The following MICAL2 variants were observed in gnomAD, a reference collection of about 807,000 sequenced individuals.
MICAL2 encodes the protein microtubule associated monooxygenase, calponin and LIM domain containing 2.
Under a neutral mutation model 127.3 loss-of-function variants are expected in MICAL2, and 77 were observed. The ratio of observed to expected loss-of-function variants is 0.60; its 90% CI spans 0.50 to 0.73. The LOEUF is 0.73. Among genes scored for constraint, MICAL2 ranks in the 30% least tolerant of loss-of-function variants. The pLI, the probability that MICAL2 is intolerant of heterozygous loss-of-function variation, is 0.00. For synonymous variants in MICAL2, 570 were observed against 551.1 expected, an observed-to-expected ratio of 1.03 and a Z score of -0.48; for missense variants, 1,351 against 1,434.4, an observed-to-expected ratio of 0.94 and a Z score of 0.94.
At chr11:12,330,814 AGAGAGAGG>A (rs1864409258) in intron 32 of MICAL2, among the ~76,000 whole-genome samples, 1 of 150,760 alleles carries the variant, frequency 6.6e-6, no homozygotes, top group Admixed American at 6.6e-5. Context: ...ACAGAGAGAG[AGAGAGAGG>A]GAGAGACAGA....
At position 12,255,726 on chromosome 11, in the gene MICAL2, G is replaced by T; in HGVS notation, c.2931G>T (p.Lys977Asn). 1.2e-6 allele frequency: 2 copies of T among 1,613,790 alleles called. No individual in the cohort carries two copies. Among genetic ancestry groups the T allele is most frequent in the Middle Eastern group, 1.6e-4 (1 of 6,062 alleles). Reference protein sequence around the residue: ...VNLYMNDHRPKAQATSPDLES... With the variant: ...VNLYMNDHRPNAQATSPDLES... The stretch of plus-strand genomic sequence containing the variant: ...TGTACATGAATGATCACAGACCTAA[G>T]GCCCAGGCCACCTCTCCAGACCTGG... The change falls in exon 23 of 28, where the codon AAG (lysine) becomes AAT (asparagine). Residue 977 changes from lysine (K) to asparagine (N), a missense_variant. Coordinates refer to ENST00000683283, the MANE Select transcript of MICAL2 (RefSeq NM_001282663.2).
At chr11:12,223,333 G>T (rs1857042848) in intron 11 of MICAL2, 78 bp from the exon 12 acceptor site, 1 of 1,262,402 alleles carries the variant, frequency 7.9e-7, no homozygotes, top group Non-Finnish European at 1.2e-6. Flanking sequence ...ACTGAATTGG[G>T]GGTGGGTCGA....
intron 29 of MICAL2, among the ~76,000 whole-genome samples, chr11:12,300,389 A>T (rs1864033956): frequency 6.7e-6 from 1 of 150,098 alleles, no homozygotes. Flanking sequence ...TTGTGCAAAT[A>T]TAGTTAAGCC....
chr11:12,345,222 CA>C (rs1226721852), intron 32 of MICAL2, among the ~76,000 whole-genome samples: 2 of 152,004 alleles, frequency 1.3e-5, no homozygotes, highest in Non-Finnish European at 2.9e-5. Flanking sequence ...CTGTGAAAAA[CA>C]AATGTCATTT....
chr11:12,171,110 G>A (rs1292057066), intron 3 of MICAL2, among the ~76,000 whole-genome samples: 1 of 152,200 alleles, frequency 6.6e-6, no homozygotes, highest in Non-Finnish European at 1.5e-5. Flanking sequence ...GGTGGGGATG[G>A]TGGCCACAGC....
rs756342247 is a variant in MICAL2 at position 12,358,442 on chromosome 11, T to C, written c.5837T>C (p.Phe1946Ser). 13 of 1,614,002 alleles carry C rather than the reference T, an allele frequency of 8.1e-6. No individual in the cohort carries two copies. The highest frequency in any genetic ancestry group is 1.7e-5 in the Admixed American group (1 of 60,002). Reference sequence around the variant, plus strand: ...GCCGAGGACCAGCACTTTGAAAGCTTCGTATTCTCCAGAGGCTGTCAGCTG... The same window carrying C: ...GCCGAGGACCAGCACTTTGAAAGCTCCGTATTCTCCAGAGGCTGTCAGCTG... The change falls in exon 35 of 35, where the codon TTC becomes TCC. Residue 1946 changes from phenylalanine (F) to serine (S), a missense_variant. Coordinates refer to the MICAL2 transcript ENST00000646065.
chr11:12,327,054 AAGGCAGGACCAT>A (rs1439419934), intron 31 of MICAL2: 1 of 836,828 alleles, frequency 1.2e-6, no homozygotes, highest in Non-Finnish European at 2.0e-6. Flanking sequence ...CTAGTTATTC[AAGGCAGGACCAT>A]CACAAGTGAA....
intron 2 of MICAL2, among the ~76,000 whole-genome samples, chr11:12,149,647 G>A (rs984061710): frequency 6.6e-6 from 1 of 152,198 alleles, no homozygotes; most frequent in African/African-American, 2.4e-5. Flanking sequence ...TGACTCGAAG[G>A]ATTTGGCTGC....
At chr11:12,213,897 C>T (rs1855826555) in intron 7 of MICAL2, among the ~76,000 whole-genome samples, 1 of 152,162 alleles carries the variant, frequency 6.6e-6, no homozygotes, top group East Asian at 1.9e-4. Flanking sequence ...CCAAGAAGGA[C>T]ATCTGGATAC....
intron 32 of MICAL2, among the ~76,000 whole-genome samples, chr11:12,337,828 A>T (rs1353969347): frequency 6.6e-6 from 1 of 152,138 alleles, no homozygotes; most frequent in Non-Finnish European, 1.5e-5. Flanking sequence ...ACAGTTTGTT[A>T]TAATTTCTGT....
chr11:12,207,840 G>A (rs1046468297), intron 4 of MICAL2, 183 bp from the exon 5 acceptor site: 7 of 577,180 alleles, frequency 1.2e-5, no homozygotes, highest in Admixed American at 5.6e-5. Context: ...ATTCCAAAGG[G>A]CCACTGTAAG....
chr11:12,290,543 G>A (rs930697538), downstream of MICAL2, among the ~76,000 whole-genome samples: 4 of 152,172 alleles, frequency 2.6e-5, no homozygotes, highest in Non-Finnish European at 5.9e-5. Context: ...GACAAGAACG[G>A]GAAGCAAGGC....
intron 29 of MICAL2, among the ~76,000 whole-genome samples, chr11:12,316,335 A>G (rs1271185499): frequency 3.3e-5 from 5 of 151,110 alleles, no homozygotes; most frequent in Non-Finnish European, 5.9e-5. Flanking sequence ...TGTGTCTTCA[A>G]TTTCTTTTAT....
chr11:12,242,275 G>A lies in MICAL2; in HGVS notation c.2399G>A (p.Ser800Asn), dbSNP rs1380558145. The A allele has an allele frequency of 3.2e-5, 51 of 1,613,848 alleles. No individual in the cohort carries two copies. Among genetic ancestry groups the A allele is most frequent in the Non-Finnish European group, 4.2e-5 (49 of 1,179,882 alleles). The change falls in exon 19 of 28, where the codon AGT (serine) becomes AAT (asparagine). Residue 800 changes from serine to asparagine, a missense_variant. Transcript: ENST00000683283. ...GAGCTCAAGCAAGTGTCTGCTGGCA[G>A]TGAGTGCCTGAGCAGACCTTGGAGA... Reference protein sequence around the residue: ...LRELKQVSAGSECLSRPWRAR... With the variant: ...LRELKQVSAGNECLSRPWRAR...
At chr11:12,305,727 G>T (rs1281675115) in intron 29 of MICAL2, among the ~76,000 whole-genome samples, 2 of 152,062 alleles carry the variant, frequency 1.3e-5, no homozygotes, top group Admixed American at 1.3e-4. Context: ...GTGAACATGG[G>T]GTACTACTGT....
intron 21 of MICAL2, 131 bp downstream of exon 21, chr11:12,244,243 A>G (rs1860380795): frequency 2.4e-6 from 3 of 1,252,160 alleles, no homozygotes; most frequent in Non-Finnish European, 3.4e-6. Flanking sequence ...ATTTTACACC[A>G]GTGCTGGATT....
chr11:12,236,843 A>ACG (rs1859138118), intron 16 of MICAL2, among the ~76,000 whole-genome samples: 3 of 152,170 alleles, frequency 2.0e-5, no homozygotes, highest in Non-Finnish European at 4.4e-5. Flanking sequence ...CCTGAGATAT[A>ACG]CACGTCATTC....
intron 2 of MICAL2, among the ~76,000 whole-genome samples, chr11:12,153,576 T>C (rs561388578): frequency 6.6e-6 from 1 of 152,046 alleles, no homozygotes; most frequent in South Asian, 2.1e-4. Flanking sequence ...TAGATGGAAT[T>C]ACAGGCACGT....
intron 29 of MICAL2, among the ~76,000 whole-genome samples, chr11:12,298,879 T>A (rs1464864393): frequency 3.9e-5 from 6 of 152,238 alleles, no homozygotes; most frequent in Non-Finnish European, 5.9e-5. Context: ...GTCTTATTAC[T>A]TTACATGATG....
Sources: allele counts gnomAD v4.1 joint callset (sites outside exome capture counted in the v4.1 genomes callset), GRCh38; gene constraint gnomAD v4.1.1; transcripts MANE v1.5; gene names NCBI Gene and HGNC (gene_info 2026-07-23, HGNC 2026-07-21).